SHISA9: variants seen among roughly 807,000 people sequenced by gnomAD.
The protein encoded by SHISA9 is shisa family member 9.
A neutral mutation model predicts 38.0 loss-of-function variants in SHISA9; 13 were observed. That is an observed-to-expected ratio of 0.34 (90% confidence interval 0.22 to 0.54). SHISA9 has a LOEUF of 0.54. Among genes scored for constraint, SHISA9 ranks in the 20% least tolerant of loss-of-function variants. The pLI, the probability that SHISA9 is intolerant of heterozygous loss-of-function variation, is 0.91. For missense variants in SHISA9, 538 were observed against 575.8 expected (o/e 0.93, Z 0.67); for synonymous variants, 275 against 242.0 (o/e 1.14, Z -1.27).
chr16:12,975,522 A>C (rs1402270664), intron 2 of SHISA9, among the ~76,000 whole-genome samples: 2 of 152,004 alleles, frequency 1.3e-5, no homozygotes, highest in Non-Finnish European at 2.9e-5. Flanking sequence ...AGGAAAAAGG[A>C]ATAGAGTTAT....
chr16:12,964,596 G>C (rs2071954297), intron 2 of SHISA9, among the ~76,000 whole-genome samples: 1 of 152,158 alleles, frequency 6.6e-6, no homozygotes, highest in African/African-American at 2.4e-5. Context: ...TCTGAAGTCT[G>C]ATGTTGTGGC....
chr16:12,932,736 G>T (rs932513367), intron 2 of SHISA9, among the ~76,000 whole-genome samples: 3 of 152,200 alleles, frequency 2.0e-5, no homozygotes, highest in African/African-American at 7.2e-5. Flanking sequence ...TGACTCTGAA[G>T]CCTGGGCTGT....
intron 1 of SHISA9, among the ~76,000 whole-genome samples, chr16:12,905,297 G>C (rs529767751): frequency 6.6e-6 from 1 of 152,320 alleles, no homozygotes; most frequent in East Asian, 1.9e-4. Flanking sequence ...CAGTCTCCTG[G>C]TTTTAATTGT....
At chr16:13,352,699 A>AGGGAGGGG in the SHISA9 span, among the ~76,000 whole-genome samples, 1 of 6,694 alleles carries the variant, frequency 1.5e-4, no homozygotes, top group African/African-American at 3.5e-4. Context: ...AAGGGAGATA[A>AGGGAGGGG]GGGGGGGGGG....
chr16:13,060,945 G>A (rs1248144451), intron 2 of SHISA9, among the ~76,000 whole-genome samples: 4 of 152,122 alleles, frequency 2.6e-5, no homozygotes, highest in Admixed American at 2.6e-4. Context: ...GCCGCATGGG[G>A]TCATACTCTC....
intron 1 of SHISA9, chr16:12,910,653 A>ATTTTGT (rs1331679955): frequency 1.0e-6 from 1 of 985,334 alleles, no homozygotes. Context: ...TAAACAAACA[A>ATTTTGT]TTTTGTTTCA....
At chr16:13,195,637 G>C (rs1567243257) in intron 2 of SHISA9, among the ~76,000 whole-genome samples, 1 of 152,160 alleles carries the variant, frequency 6.6e-6, no homozygotes, top group Non-Finnish European at 1.5e-5. Context: ...GGAGAAATCT[G>C]TCCAACACTT....
the SHISA9 span, among the ~76,000 whole-genome samples, chr16:13,270,538 C>A: frequency 6.6e-6 from 1 of 152,138 alleles, no homozygotes. Flanking sequence ...TGTGGAAATC[C>A]TTGCTCTGCA....
rs989121836 is a variant in SHISA9 at position 13,235,235 on chromosome 16, C to T, written c.1101C>T (p.Asn367=). 1.2e-5 allele frequency: 18 copies of T among 1,551,682 alleles called. No individual in the cohort carries two copies. The highest frequency in any genetic ancestry group is 1.6e-5 in the Non-Finnish European group (18 of 1,147,032). ...CCCTGGCCTACACCTCTACCACCAA[C>T]TTTAAGGGCTGGGACCCCAACGAGC... ...PHPLAYTSTT[N]FKGWDPNEQS... Residue 367 remains asparagine (N), a synonymous_variant, in exon 5 of 5, where the codon AAC becomes AAT. Coordinates refer to ENST00000558583, the MANE Select transcript of SHISA9 (RefSeq NM_001145204.3).
At chr16:13,383,043 A>G in the SHISA9 span, among the ~76,000 whole-genome samples, 2 of 152,226 alleles carry the variant, frequency 1.3e-5, no homozygotes, top group African/African-American at 4.8e-5. Flanking sequence ...ATAAAGCAAT[A>G]AACAAAACTA....
chr16:13,417,069 A>G, the SHISA9 span, among the ~76,000 whole-genome samples: 1 of 152,218 alleles, frequency 6.6e-6, no homozygotes, highest in Non-Finnish European at 1.5e-5. Flanking sequence ...GAAAATCACA[A>G]GGGCTATAAC....
chr16:13,030,154 A>G (rs867458629), intron 2 of SHISA9, among the ~76,000 whole-genome samples: 12 of 152,332 alleles, frequency 7.9e-5, no homozygotes, highest in Middle Eastern at 6.8e-3. Context: ...AGCCAGGTGT[A>G]GCAGGTGTAT....
In SHISA9 at chr16:12,902,254, C is replaced by G; in HGVS notation, c.190C>G (p.Pro64Ala). 6.5e-7 allele frequency: 1 copy of G among 1,546,010 alleles called. No individual in the cohort carries two copies. Among genetic ancestry groups the G allele is most frequent in the Non-Finnish European group, 8.7e-7 (1 of 1,146,732 alleles). Residue 64 changes from proline (P) to alanine (A), a missense_variant, in exon 1 of 5, where the codon CCC becomes GCC. Physicochemically the swap from Pro to Ala is conservative, Grantham distance 27. Coordinates refer to ENST00000558583, the MANE Select transcript of SHISA9 (RefSeq NM_001145204.3). Reference sequence around the variant, plus strand: ...CGAGGGCGCTGAGGCATCGGACGCGCCCCCGACCCGGGCGCCCACGCCGGA... The same window carrying G: ...CGAGGGCGCTGAGGCATCGGACGCGGCCCCGACCCGGGCGCCCACGCCGGA... ...ASEGAEASDA[P>A]PTRAPTPDFC...
At chr16:13,063,342 G>A (rs1252877831) in intron 2 of SHISA9, among the ~76,000 whole-genome samples, 1 of 151,820 alleles carries the variant, frequency 6.6e-6, no homozygotes, top group Non-Finnish European at 1.5e-5. Flanking sequence ...TTTAATGAAA[G>A]CACAATCTTA....
At chr16:13,022,606 A>G (rs977337031) in intron 2 of SHISA9, among the ~76,000 whole-genome samples, 1 of 151,984 alleles carries the variant, frequency 6.6e-6, no homozygotes, top group Non-Finnish European at 1.5e-5. Context: ...TGCTGGGATT[A>G]CAGTTGTAAG....
intron 2 of SHISA9, among the ~76,000 whole-genome samples, chr16:13,194,022 A>G (rs535223717): frequency 2.8e-4 from 43 of 152,244 alleles, no homozygotes; most frequent in African/African-American, 9.1e-4. Context: ...CCTACCCTGC[A>G]TCTGAAACCC....
At chr16:13,074,472 A>G (rs866914196) in intron 2 of SHISA9, among the ~76,000 whole-genome samples, 2 of 152,130 alleles carry the variant, frequency 1.3e-5, no homozygotes, top group Admixed American at 6.5e-5. Context: ...GGTGGTTTCT[A>G]TGCACACTAA....
intron 1 of SHISA9, 95 bp from the exon 2 acceptor site, chr16:12,916,593 G>C: frequency 7.2e-7 from 1 of 1,398,406 alleles, no homozygotes; most frequent in South Asian, 1.5e-5. Context: ...GGAGTAATCC[G>C]CCTTGCCATT....
chr16:13,243,108 A>T (rs2051446849), downstream of SHISA9, among the ~76,000 whole-genome samples: 1 of 151,958 alleles, frequency 6.6e-6, no homozygotes, highest in Non-Finnish European at 1.5e-5. Flanking sequence ...GTGTGGTGGC[A>T]TGCTCCTGTA....
Sources: allele counts gnomAD v4.1 joint callset (sites outside exome capture counted in the v4.1 genomes callset), GRCh38; gene constraint gnomAD v4.1.1; transcripts MANE v1.5; gene names NCBI Gene and HGNC (gene_info 2026-07-23, HGNC 2026-07-21).